EVL: variants seen among roughly 807,000 people sequenced by gnomAD.
EVL encodes the protein ena/VASP-like protein.
A neutral mutation model predicts 59.6 loss-of-function variants in EVL; 21 were observed. The observed-to-expected ratio is 0.35, with a 90% CI of 0.25 to 0.51. The LOEUF (loss-of-function observed/expected upper bound fraction) is 0.51. Ranked by LOEUF, EVL falls within the 20% of genes least tolerant of loss-of-function variation. The pLI is 0.97. For missense variants in EVL, 462 were observed against 546.6 expected (o/e 0.85, Z 1.54); for synonymous variants, 198 against 203.5 (o/e 0.97, Z 0.23).
intron 3 of EVL, among the ~76,000 whole-genome samples, chr14:100,113,206 T>C (rs1193500654): frequency 1.3e-5 from 2 of 151,918 alleles, no homozygotes; most frequent in Non-Finnish European, 2.9e-5. Flanking sequence ...AGTGCTGCCA[T>C]CTTGGATGCA....
chr14:100,027,401 C>T (rs936128910), intron 1 of EVL, among the ~76,000 whole-genome samples: 2 of 152,136 alleles, frequency 1.3e-5, no homozygotes, highest in African/African-American at 4.8e-5. Context: ...TTATTACCCT[C>T]TCCCCGTTAC....
At position 100,109,801 on chromosome 14, in the gene EVL, G is replaced by T. The variant is rs1281311731; in HGVS notation, c.358+12143G>T. 1 of 476,704 alleles carries T rather than the reference G, an allele frequency of 2.1e-6. No individual in the cohort carries two copies. The highest frequency in any genetic ancestry group is 4.4e-6 in the Non-Finnish European group (1 of 226,318). The allele number at this position is 476,704 out of a possible 1,614,324, so 29.5% of individuals were successfully genotyped here. On this transcript the variant is annotated intron_variant, in intron 3 of 13. Coordinates refer to ENST00000392920, the MANE Select transcript of EVL (RefSeq NM_016337.3). The surrounding 1 kb of genome is among the most constrained non-coding windows in gnomAD (Gnocchi z 4.3). ...ACGCCTTCTCCAGCCACAGCCTATG[G>T]AAGGGCCTTCAGCTGCTGTGGCCCC...
intron 1 of EVL, among the ~76,000 whole-genome samples, chr14:100,040,129 G>A (rs1845354776): frequency 1.3e-5 from 2 of 152,202 alleles, no homozygotes; most frequent in African/African-American, 4.8e-5. Context: ...GTTTGCTTGT[G>A]GCACTTGGAC....
At chr14:99,998,947 G>T (rs1351581729) in intron 1 of EVL, among the ~76,000 whole-genome samples, 2 of 152,008 alleles carry the variant, frequency 1.3e-5, no homozygotes, top group South Asian at 2.1e-4. Flanking sequence ...ATAATATTAT[G>T]ATGGTGCATA....
In EVL at chr14:100,137,593, C is replaced by T; in HGVS notation, c.980C>T (p.Pro327Leu). The T allele has an allele frequency of 6.2e-7, 1 of 1,614,010 alleles. No homozygotes were observed. Among genetic ancestry groups the T allele is most frequent in the Non-Finnish European group, 8.5e-7 (1 of 1,180,016 alleles). Residue 327 changes from proline (P) to leucine (L), a missense_variant, in exon 10 of 14, where the codon CCC becomes CTC. Transcript: ENST00000392920. ...PPNSSEAGRK[P>L]WERSNSVEKP... is the part of the protein sequence containing the mutation. Reference sequence around the variant, plus strand: ...GAACTGACAGAGGCTGGCCGGAAGCCCTGGGAGCGGAGCAACTCGGTGGAG... The same window carrying T: ...GAACTGACAGAGGCTGGCCGGAAGCTCTGGGAGCGGAGCAACTCGGTGGAG...
intron 2 of EVL, among the ~76,000 whole-genome samples, chr14:100,088,761 C>T (rs903158089): frequency 6.6e-6 from 1 of 152,170 alleles, no homozygotes; most frequent in Admixed American, 6.5e-5. Flanking sequence ...CTCCTACACT[C>T]CCCAGAATAA....
At chr14:100,026,756 C>G (rs2061220524) in intron 1 of EVL, among the ~76,000 whole-genome samples, 1 of 152,172 alleles carries the variant, frequency 6.6e-6, no homozygotes, top group Admixed American at 6.5e-5. Flanking sequence ...GTATCCCTAC[C>G]AACTACTGCT....
chr14:100,139,637 T>C (rs1241151238), intron 11 of EVL: 1 of 152,342 alleles, frequency 6.6e-6, no homozygotes, highest in African/African-American at 2.4e-5. Context: ...TGGAGGGGTG[T>C]GGCAACACTC....
intron 1 of EVL, among the ~76,000 whole-genome samples, chr14:100,058,441 A>G (rs192229771): frequency 1.3e-5 from 2 of 152,306 alleles, no homozygotes; most frequent in Non-Finnish European, 1.5e-5. Context: ...CACTGTACCT[A>G]CTACCTAAGC....
chr14:100,112,071 T>G (rs1196560325), intron 3 of EVL, among the ~76,000 whole-genome samples: 1 of 152,274 alleles, frequency 6.6e-6, no homozygotes, highest in East Asian at 1.9e-4. Flanking sequence ...GTTTTCTTTT[T>G]TCCTCGCGTA....
chr14:100,088,815 A>G (rs1446390417), intron 2 of EVL, among the ~76,000 whole-genome samples: 1 of 152,212 alleles, frequency 6.6e-6, no homozygotes, highest in Non-Finnish European at 1.5e-5. Context: ...TGCAAAAAGT[A>G]TGACATTTTA....
chr14:100,085,357 A>C (rs1288168758), intron 2 of EVL, among the ~76,000 whole-genome samples: 2 of 152,222 alleles, frequency 1.3e-5, no homozygotes, highest in African/African-American at 4.8e-5. Flanking sequence ...ACCTACATAA[A>C]TATGAGGGAA....
intron 1 of EVL, among the ~76,000 whole-genome samples, chr14:100,040,119 G>A (rs79446734): frequency 0.053 from 8,063 of 152,272 alleles, 305 homozygotes; most frequent in South Asian, 0.11. Flanking sequence ...GTCCCTTTGT[G>A]TTTGCTTGTG....
chr14:100,060,318 C>T (rs11621315), intron 1 of EVL, among the ~76,000 whole-genome samples: 92,060 of 150,684 alleles, frequency 0.61, 31,308 homozygotes, highest in Non-Finnish European at 0.75. Context: ...GTAGTCCCAG[C>T]TACGCGGGAG....
chr14:100,141,513 T>G (rs1450667996), intron 12 of EVL, among the ~76,000 whole-genome samples: 2 of 152,170 alleles, frequency 1.3e-5, no homozygotes, highest in Non-Finnish European at 2.9e-5. Flanking sequence ...AGGAAGCCCT[T>G]AGTTTCAGTG....
chr14:100,108,477 C>T lies in EVL; in HGVS notation c.358+10819C>T, dbSNP rs1886725864. 6.6e-6 allele frequency among the ~76,000 whole-genome samples: 1 copy of T among 152,192 alleles called. No individual in the cohort carries two copies. The highest frequency in any genetic ancestry group is 2.4e-5 in the African/African-American group (1 of 41,450). On this transcript the variant is annotated intron_variant, in intron 3 of 13. Coordinates refer to ENST00000392920, the MANE Select transcript of EVL (RefSeq NM_016337.3). This position sits in a 1 kb window ranked among gnomAD's most constrained non-coding sequence, Gnocchi z 4.1. ...AGGACGGCAAGCCCCTGGCCTCCTG[C>T]CTGCTCCCAGCTGCCCTCTGGCGGC... is the stretch of plus-strand genomic sequence containing the variant.
intron 1 of EVL, among the ~76,000 whole-genome samples, chr14:100,022,651 T>C (rs1188503715): frequency 6.6e-6 from 1 of 152,338 alleles, no homozygotes. Flanking sequence ...ATGAATTCCA[T>C]GAGAGCAGAA....
chr14:100,064,436 A>G (rs962668205), upstream of EVL, among the ~76,000 whole-genome samples: 21 of 152,246 alleles, frequency 1.4e-4, no homozygotes, highest in African/African-American at 5.1e-4. Flanking sequence ...GATAGGCAAA[A>G]TAAGTATAAC....
intron 1 of EVL, among the ~76,000 whole-genome samples, chr14:99,979,483 T>G (rs1351064909): frequency 6.6e-6 from 1 of 152,332 alleles, no homozygotes; most frequent in Non-Finnish European, 1.5e-5. Flanking sequence ...TAAACTTTTT[T>G]TTTTCAGTTA....
Sources: gnomAD v4.1 joint callset for allele counts (sites outside exome capture counted in the v4.1 genomes callset) on GRCh38, gnomAD v4.1.1 for gene constraint, Gnocchi (gnomAD v3.1) non-coding constraint, MANE v1.5 for transcripts, NCBI Gene and HGNC (gene_info 2026-07-23, HGNC 2026-07-21) for gene names.